Variants in LMNA observed in about 807,000 individuals in gnomAD.
LMNA encodes lamin.
A neutral mutation model predicts 70.4 loss-of-function variants in LMNA; 20 were observed. That is an observed-to-expected ratio of 0.28 (90% confidence interval 0.20 to 0.41). The LOEUF is 0.41. LMNA is among the 10% of genes least tolerant of loss of function. The pLI is 1.00. For synonymous variants in LMNA, 339 were observed against 372.8 expected (o/e 0.91, Z 1.04); for missense variants, 652 against 917.2 (o/e 0.71, Z 3.73).
At chr1:156,108,785 C>T (rs1191254640) in intron 3 of LMNA, among the ~76,000 whole-genome samples, 2 of 151,998 alleles carry the variant, frequency 1.3e-5, no homozygotes, top group East Asian at 3.9e-4. Context: ...AAATCCAGTT[C>T]TGTTACTAAC....
intron 3 of LMNA, among the ~76,000 whole-genome samples, chr1:156,097,948 C>T (rs952640794): frequency 1.1e-4 from 16 of 151,836 alleles, no homozygotes; most frequent in African/African-American, 2.7e-4. Flanking sequence ...TGCGTGTGTG[C>T]GTGCGTGTGT....
upstream of LMNA, among the ~76,000 whole-genome samples, chr1:156,110,547 C>A (rs1212274979): frequency 6.6e-6 from 1 of 152,160 alleles, no homozygotes; most frequent in Non-Finnish European, 1.5e-5. Context: ...TTTGTTTATC[C>A]AAGAAACCCT....
chr1:156,137,738 C>T lies in LMNA; in HGVS notation c.1693C>T (p.His565Tyr). ...GGATGGAGATGACCTGCTCCATCAC[C>T]ACCACGTGAGTGGTAGCCGCCGCTG... Reference protein sequence around the residue: ...DEDGDDLLHHHHGSHCSSSGD... With the variant: ...DEDGDDLLHHYHGSHCSSSGD... Residue 565 changes from histidine to tyrosine, a missense_variant, in exon 10 of 12, where the codon CAC becomes TAC. Physicochemically the swap from His to Tyr is moderately conservative, Grantham distance 83. Coordinates refer to ENST00000368300, the MANE Select transcript of LMNA (RefSeq NM_170707.4). The surrounding 1 kb of genome is among the most constrained non-coding windows in gnomAD (Gnocchi z 4.6). 1 of 1,550,342 alleles carries T rather than the reference C, an allele frequency of 6.5e-7. No individual in the cohort carries two copies. Among genetic ancestry groups the T allele is most frequent in the Non-Finnish European group, 8.7e-7 (1 of 1,147,212 alleles).
At position 156,138,212 on chromosome 1, in the gene LMNA, C is replaced by T. The variant is rs1482515958; in HGVS notation, c.1699-276C>T. 1.7e-6 allele frequency: 1 copy of T among 579,078 alleles called. No homozygotes were observed. Among genetic ancestry groups the T allele is most frequent in the Non-Finnish European group, 3.1e-6 (1 of 324,866 alleles). The allele number at this position is 579,078 out of a possible 1,614,324, so 35.9% of individuals were successfully genotyped here. A position where few individuals can be genotyped will look rare whatever the true frequency, so the allele number is the denominator to read the frequency against. ...TACAAGCTTGCTCCCGTTCTCTCTT[C>T]TTTTCCTCTTAAGCTCAGAGTAGCT... On this transcript the variant is annotated intron_variant, in intron 10 of 11. Coordinates refer to ENST00000368300, the MANE Select transcript of LMNA (RefSeq NM_170707.4). The surrounding 1 kb of genome is among the most constrained non-coding windows in gnomAD (Gnocchi z 5.5).
At position 156,136,136 on chromosome 1, in the gene LMNA, C is replaced by T. The variant is rs761166147; in HGVS notation, c.1157+15C>T. ...GAGGAGGAGAGGTGGGCTGGGGAGA[C>T]GTCGGGGAGGTGCTGGCAGTGTCCT... On this transcript the variant is annotated intron_variant, in intron 6 of 11. Coordinates refer to ENST00000368300, the MANE Select transcript of LMNA (RefSeq NM_170707.4). The surrounding 1 kb of genome is among the most constrained non-coding windows in gnomAD (Gnocchi z 6.1). 21 of 1,613,620 alleles carry T rather than the reference C, an allele frequency of 1.3e-5. 1 individual carries two copies. Among genetic ancestry groups the T allele is most frequent in the Middle Eastern group, 3.3e-4 (2 of 6,070 alleles).
intron 2 of LMNA, among the ~76,000 whole-genome samples, chr1:156,132,835 CTCTTT>C (rs1651188757): frequency 1.5e-5 from 2 of 131,088 alleles, no homozygotes; most frequent in Admixed American, 1.8e-4. Context: ...CTCTCTCTCT[CTCTTT>C]TTTTTTTTTT....
chr1:156,108,978 A>G (rs889868538), intron 3 of LMNA, among the ~76,000 whole-genome samples: 2 of 152,202 alleles, frequency 1.3e-5, no homozygotes, highest in African/African-American at 4.8e-5. Flanking sequence ...CTCTGACAAC[A>G]GAGAATTATC....
rs2102901712 is a variant in LMNA at position 156,138,598 on chromosome 1, A to G, written c.1809A>G (p.Ser603=). 6.2e-7 allele frequency: 1 copy of G among 1,612,978 alleles called. No individual in the cohort carries two copies. Among genetic ancestry groups the G allele is most frequent in the Non-Finnish European group, 8.5e-7 (1 of 1,179,872 alleles). The change falls in exon 11 of 12, where the codon TCA becomes TCG. Residue 603 remains serine (S), a synonymous_variant. Coordinates refer to ENST00000368300, the MANE Select transcript of LMNA (RefSeq NM_170707.4). This position sits in a 1 kb window ranked among gnomAD's most constrained non-coding sequence, Gnocchi z 5.5. ...QPADKASASG[S]GAQVGGPISS... is the part of the protein sequence containing the mutation. ...CCGACAAGGCATCTGCCAGCGGCTC[A>G]GGAGCCCAGGTGGGCGGACCCATCT...
At chr1:156,105,403 C>CTT (rs1649294491) in intron 3 of LMNA, among the ~76,000 whole-genome samples, 1 of 151,624 alleles carries the variant, frequency 6.6e-6, no homozygotes, top group African/African-American at 2.4e-5. Flanking sequence ...CCAGCCATCC[C>CTT]TACTCTACTT....
intron 3 of LMNA, among the ~76,000 whole-genome samples, chr1:156,097,277 G>A (rs1183948421): frequency 6.6e-6 from 1 of 152,184 alleles, no homozygotes; most frequent in African/African-American, 2.4e-5. Context: ...TTCACCACAG[G>A]AAAGGGAAGG....
chr1:156,134,868 C>T lies in LMNA; in HGVS notation c.703C>T (p.Arg235Cys), dbSNP rs201227908. The change falls in exon 4 of 12, where the codon CGT becomes TGT. Residue 235 changes from arginine to cysteine, a missense_variant. Physicochemically the swap from Arg to Cys is radical, Grantham distance 180. This residue lies in a region of LMNA where 254 missense variants were observed against 421.9 expected (regional missense o/e 0.60). Coordinates refer to ENST00000368300, the MANE Select transcript of LMNA (RefSeq NM_170707.4). The surrounding 1 kb of genome is among the most constrained non-coding windows in gnomAD (Gnocchi z 5.3). ...RLVEIDNGKQ[R>C]EFESRLADAL... ...GGTGGAGATTGACAATGGGAAGCAG[C>T]GTGAGTTTGAGAGCCGGCTGGCGGA... The T allele has an allele frequency of 3.1e-6, 5 of 1,614,196 alleles. No homozygotes were observed. The highest frequency in any genetic ancestry group is 2.2e-5 in the South Asian group (2 of 91,088).
chr1:156,091,400 C>T (rs953884224), intron 3 of LMNA, among the ~76,000 whole-genome samples: 11 of 152,206 alleles, frequency 7.2e-5, no homozygotes, highest in East Asian at 1.9e-4. Flanking sequence ...GTGGGGAGTT[C>T]GAGACCAGCC....
rs562360304 is a variant in LMNA, at chr1:156,103,898, C to G, written c.-206-10815C>G. On this transcript the variant is annotated intron_variant, in intron 3 of 12. Coordinates refer to the LMNA transcript ENST00000368301. This position sits in a 1 kb window ranked among gnomAD's most constrained non-coding sequence, Gnocchi z 4.7. The stretch of plus-strand genomic sequence containing the variant: ...GCCCTGCTCCCCTGCCCTTTCGAAG[C>G]CTCTAGTGGAGTCACTCCTTTCCTT... 2.0e-5 allele frequency among the ~76,000 whole-genome samples: 3 copies of G among 152,188 alleles called. No homozygotes were observed. Among genetic ancestry groups the G allele is most frequent in the African/African-American group, 7.2e-5 (3 of 41,444 alleles).
chr1:156,084,327 T>TTGGGGG (rs1558104047), intron 2 of LMNA, among the ~76,000 whole-genome samples: 1 of 5,770 alleles, frequency 1.7e-4, no homozygotes, highest in Non-Finnish European at 3.1e-4. Flanking sequence ...TCTCAGAAGG[T>TTGGGGG]CGGGGGGTGG....
At chr1:156,116,047 A>G (rs950241034) in intron 1 of LMNA, among the ~76,000 whole-genome samples, 1 of 152,200 alleles carries the variant, frequency 6.6e-6, no homozygotes, top group East Asian at 1.9e-4. Context: ...GGAGGGAGGG[A>G]GGCAGAGGGC....
In LMNA at chr1:156,137,005, C is replaced by G; in HGVS notation, c.1465C>G (p.Leu489Val). 4 of 1,614,206 alleles carry G rather than the reference C, an allele frequency of 2.5e-6. No individual in the cohort carries two copies. The highest frequency in any genetic ancestry group is 2.5e-6 in the Non-Finnish European group (3 of 1,180,028). The change falls in exon 8 of 12, where the codon CTG becomes GTG. Residue 489 changes from leucine to valine, a missense_variant. Physicochemically the swap from Leu to Val is conservative, Grantham distance 32. This residue lies in a region of LMNA where 327 missense variants were observed against 387.6 expected (regional missense o/e 0.84). Transcript: ENST00000368300. This position sits in a 1 kb window ranked among gnomAD's most constrained non-coding sequence, Gnocchi z 4.6. ...LTYRFPPKFT[L>V]KAGQVVTIWA... ...TTACCGGTTCCCACCAAAGTTCACC[C>G]TGAAGGCTGGGCAGGTGGTGACGGT...
At position 156,138,836 on chromosome 1, in the gene LMNA, G is replaced by T. The variant is rs1226572002; in HGVS notation, c.1968+79G>T. On this transcript the variant is annotated intron_variant, in intron 11 of 11. Coordinates refer to ENST00000368300, the MANE Select transcript of LMNA (RefSeq NM_170707.4). This position sits in a 1 kb window ranked among gnomAD's most constrained non-coding sequence, Gnocchi z 5.5. The stretch of plus-strand genomic sequence containing the variant: ...AGGGGTAGGACGAGGTGGCCTTGCA[G>T]GGGGGAGAGCCTGCCTTCTCTTCCG... The T allele has an allele frequency of 1.3e-6, 2 of 1,580,832 alleles. No individual in the cohort carries two copies. The highest frequency in any genetic ancestry group is 1.7e-5 in the Admixed American group (1 of 58,898).
At chr1:156,121,464 C>T (rs1650183637) in intron 1 of LMNA, among the ~76,000 whole-genome samples, 1 of 152,136 alleles carries the variant, frequency 6.6e-6, no homozygotes, top group Non-Finnish European at 1.5e-5. Context: ...CTATTGCCTT[C>T]CCACTATTGG....
upstream of LMNA, among the ~76,000 whole-genome samples, chr1:156,113,975 T>G (rs1268043294): frequency 1.3e-5 from 2 of 152,252 alleles, no homozygotes; most frequent in Non-Finnish European, 2.9e-5. Flanking sequence ...TTTAGGGGAC[T>G]TCTTTAGGGG....
Sources: gnomAD v4.1 joint callset for allele counts (sites outside exome capture counted in the v4.1 genomes callset) on GRCh38, gnomAD v4.1.1 for gene constraint, gnomAD v4.1.1 regional missense constraint, Gnocchi (gnomAD v3.1) non-coding constraint, MANE v1.5 for transcripts, NCBI Gene and HGNC (gene_info 2026-07-23, HGNC 2026-07-21) for gene names.